VPS54: variants seen among roughly 807,000 people sequenced by gnomAD.
The protein encoded by VPS54 is VPS54 subunit of GARP complex.
A neutral mutation model predicts 121.5 loss-of-function variants in VPS54; 45 were observed. That is an observed-to-expected ratio of 0.37 (90% CI 0.29 to 0.47). The LOEUF (loss-of-function observed/expected upper bound fraction) is 0.47. VPS54 is among the 20% of genes least tolerant of loss of function. The probability of loss-of-function intolerance (pLI) is 0.99; values close to 1 mark genes in which losing one functional copy is unlikely to be tolerated. For missense variants in VPS54, 1,090 were observed against 1,131.4 expected (o/e 0.96, Z 0.52); for synonymous variants, 371 against 385.8 (o/e 0.96, Z 0.45).
At position 63,919,909 on chromosome 2, in the gene VPS54, A is replaced by C; in HGVS notation, c.2138T>G (p.Ile713Ser). The change falls in exon 15 of 23, where the codon ATT (isoleucine) becomes AGT (serine). Residue 713 changes from isoleucine (I) to serine (S), a missense_variant. Physicochemically the swap from Ile to Ser is moderately radical, Grantham distance 142 (BLOSUM62 -2). Coordinates refer to ENST00000272322, the MANE Select transcript of VPS54 (RefSeq NM_016516.3). Reference protein sequence around the residue: ...DLVDSLSDGKIALPEKKSGAT... With the variant: ...DLVDSLSDGKSALPEKKSGAT... ...TCCTGATTTTTTTTCAGGTAAAGCA[A>C]TCTTCCCATCTGACAGAGAATCAAC... 1.2e-6 allele frequency: 2 copies of C among 1,611,624 alleles called. No homozygotes were observed. The highest frequency in any genetic ancestry group is 1.1e-5 in the South Asian group (1 of 90,776).
chr2:63,996,683 G>C (rs1677610933), intron 1 of VPS54, among the ~76,000 whole-genome samples: 1 of 152,190 alleles, frequency 6.6e-6, no homozygotes, highest in Non-Finnish European at 1.5e-5. Context: ...TGCATTCCCG[G>C]CCGGGGAGGG....
intron 2 of VPS54, among the ~76,000 whole-genome samples, 153 bp from the exon 3 acceptor site, chr2:63,982,040 G>A (rs1186767768): frequency 6.6e-6 from 1 of 152,160 alleles, no homozygotes; most frequent in Non-Finnish European, 1.5e-5. Flanking sequence ...CAATCTGATT[G>A]AATAACCTTC....
At chr2:63,933,633 C>G in intron 12 of VPS54, 40 bp downstream of exon 12, 1 of 1,561,642 alleles carries the variant, frequency 6.4e-7, no homozygotes, top group Non-Finnish European at 8.7e-7. Flanking sequence ...AATAAGATGA[C>G]TCAAAATCTT....
At position 63,906,157 on chromosome 2, in the gene VPS54, G is replaced by A. The variant is rs79621612; in HGVS notation, c.2625+6188C>T. On this transcript the variant is annotated intron_variant, in intron 20 of 22. Coordinates refer to ENST00000272322, the MANE Select transcript of VPS54 (RefSeq NM_016516.3). ...TCTGTTTTCACCAATTTTATTCAAC[G>A]TTGTGCTGAAAGTCCTAGCCAGTGC... is the stretch of plus-strand genomic sequence containing the variant. Among the ~76,000 whole-genome samples the A allele has an allele frequency of 3.5e-3, 530 of 152,204 alleles. 2 individuals carry two copies. The highest frequency in any genetic ancestry group is 0.017 in the Middle Eastern group (5 of 294).
At chr2:63,925,412 G>A (rs551487341) in intron 12 of VPS54, among the ~76,000 whole-genome samples, 1 of 152,318 alleles carries the variant, frequency 6.6e-6, no homozygotes, top group African/African-American at 2.4e-5. Context: ...GACACAAACT[G>A]CTCCACACTT....
At chr2:63,985,646 T>C (rs1336647937) in intron 1 of VPS54, among the ~76,000 whole-genome samples, 1 of 150,644 alleles carries the variant, frequency 6.6e-6, no homozygotes, top group Non-Finnish European at 1.5e-5. Flanking sequence ...CTGACCTAAG[T>C]GAAATGTTTA....
At chr2:63,938,059 GGTGT>G (rs1553475195) in intron 11 of VPS54, among the ~76,000 whole-genome samples, 11 of 140,376 alleles carry the variant, frequency 7.8e-5, no homozygotes, top group East Asian at 6.1e-4. Context: ...TGGTGTGTGT[GGTGT>G]GTGTGTGTGT....
At chr2:64,014,461 G>A (rs959288069) in intron 1 of VPS54, among the ~76,000 whole-genome samples, 3 of 152,022 alleles carry the variant, frequency 2.0e-5, no homozygotes, top group South Asian at 2.1e-4. Context: ...GTGCTATAAC[G>A]GTGATACTCT....
At position 63,921,187 on chromosome 2, in the gene VPS54, G is replaced by A; in HGVS notation, c.1869+19C>T. On this transcript the variant is annotated intron_variant, in intron 13 of 22. Coordinates refer to ENST00000272322, the MANE Select transcript of VPS54 (RefSeq NM_016516.3). Reference sequence around the variant, plus strand: ...AATTATTACGTATAAAATATATAAAGCTTTATGAAAATAGCTACCTTTGCT... The same window carrying A: ...AATTATTACGTATAAAATATATAAAACTTTATGAAAATAGCTACCTTTGCT... The A allele has an allele frequency of 7.5e-6, 12 of 1,600,608 alleles. No homozygotes were observed. The highest frequency in any genetic ancestry group is 1.0e-5 in the Non-Finnish European group (12 of 1,174,338).
At chr2:63,914,150 A>T (rs771077308) in intron 17 of VPS54, 32 bp downstream of exon 17, 29 of 1,562,740 alleles carry the variant, frequency 1.9e-5, no homozygotes, top group Non-Finnish European at 2.5e-5. Context: ...TCCTCGAAAA[A>T]TTTTTCCATA....
chr2:63,895,974 G>T (rs960765249), intron 22 of VPS54, among the ~76,000 whole-genome samples: 1 of 152,160 alleles, frequency 6.6e-6, no homozygotes, highest in African/African-American at 2.4e-5. Context: ...GTATGAGCAG[G>T]GTTAGGCCTT....
intron 3 of VPS54, among the ~76,000 whole-genome samples, chr2:63,979,576 C>A (rs2104608778): frequency 6.6e-6 from 1 of 152,298 alleles, no homozygotes; most frequent in African/African-American, 2.4e-5. Context: ...GCTGAGGTCA[C>A]TGATTTGAAA....
intron 1 of VPS54, among the ~76,000 whole-genome samples, chr2:64,002,199 A>G (rs1416083764): frequency 6.6e-6 from 1 of 152,218 alleles, no homozygotes. Flanking sequence ...CACACCACAT[A>G]GTCGCTGCAT....
At chr2:64,003,317 T>C (rs182843275) in intron 1 of VPS54, among the ~76,000 whole-genome samples, 4 of 152,338 alleles carry the variant, frequency 2.6e-5, no homozygotes, top group African/African-American at 7.2e-5. Flanking sequence ...GTAATGAGAA[T>C]CTATAAATAG....
intron 11 of VPS54, among the ~76,000 whole-genome samples, chr2:63,939,308 A>G (rs563853586): frequency 6.6e-6 from 1 of 152,102 alleles, no homozygotes; most frequent in African/African-American, 2.4e-5. Context: ...GGAGGCAGAG[A>G]TTGAAGTGAG....
At chr2:63,943,952 G>A (rs1159986562) in intron 10 of VPS54, among the ~76,000 whole-genome samples, 1 of 151,004 alleles carries the variant, frequency 6.6e-6, no homozygotes, top group Non-Finnish European at 1.5e-5. Context: ...GGGTGGTCTC[G>A]AACTCTTGGG....
intron 7 of VPS54, among the ~76,000 whole-genome samples, chr2:63,960,095 G>A (rs35972278): frequency 0.18 from 26,796 of 151,582 alleles, 3,131 homozygotes; most frequent in Non-Finnish European, 0.24. Context: ...TACTCAGGAG[G>A]CTGAGGTGAG....
chr2:64,002,256 T>C (rs1334120357), intron 1 of VPS54, among the ~76,000 whole-genome samples: 1 of 152,234 alleles, frequency 6.6e-6, no homozygotes, highest in Non-Finnish European at 1.5e-5. Context: ...CTGTCTTTCC[T>C]ATCCTGTTCA....
intron 1 of VPS54, among the ~76,000 whole-genome samples, chr2:64,000,256 A>T (rs1000517847): frequency 6.6e-6 from 1 of 152,170 alleles, no homozygotes; most frequent in Non-Finnish European, 1.5e-5. Flanking sequence ...AATTATTTCA[A>T]TCTGTTAAAT....
Sources: gnomAD v4.1 joint callset for allele counts (sites outside exome capture counted in the v4.1 genomes callset) on GRCh38, gnomAD v4.1.1 for gene constraint, MANE v1.5 for transcripts, NCBI Gene and HGNC (gene_info 2026-07-23, HGNC 2026-07-21) for gene names.